Variants in RASEF observed in about 807,000 individuals in gnomAD.
RASEF encodes the protein RAS and EF-hand domain containing, also known as ras and EF-hand domain-containing protein.
A neutral mutation model predicts 90.1 loss-of-function variants in RASEF; 68 were observed. The ratio of observed to expected loss-of-function variants is 0.75; its 90% confidence interval spans 0.62 to 0.92. The LOEUF (loss-of-function observed/expected upper bound fraction) is 0.92. Among genes scored for constraint, RASEF ranks in the 40% least tolerant of loss-of-function variants. The probability of loss-of-function intolerance (pLI) is 0.00; values close to 1 mark genes in which losing one functional copy is unlikely to be tolerated. For missense variants in RASEF, 949 were observed against 937.2 expected, an observed-to-expected ratio of 1.01 and a Z score of -0.16; for synonymous variants, 331 against 345.2, an observed-to-expected ratio of 0.96 and a Z score of 0.46.
the RASEF span, among the ~76,000 whole-genome samples, chr9:83,081,857 A>G: frequency 6.6e-6 from 1 of 152,188 alleles, no homozygotes; most frequent in Admixed American, 6.5e-5. Flanking sequence ...GGTACAATAA[A>G]CAGTGCAATG....
At chr9:83,008,417 C>G (rs913465103) in intron 6 of RASEF, among the ~76,000 whole-genome samples, 28 of 152,038 alleles carry the variant, frequency 1.8e-4, no homozygotes, top group Non-Finnish European at 3.4e-4. Context: ...TGTGGTCTGA[C>G]CACCTTTCCC....
the RASEF span, among the ~76,000 whole-genome samples, chr9:83,189,167 G>C: frequency 6.6e-6 from 1 of 152,172 alleles, no homozygotes; most frequent in Non-Finnish European, 1.5e-5. Context: ...GAATCATGGG[G>C]GCAGTTACCC....
chr9:83,149,255 GT>G, the RASEF span, among the ~76,000 whole-genome samples: 1 of 152,210 alleles, frequency 6.6e-6, no homozygotes, highest in Non-Finnish European at 1.5e-5. Context: ...TATTGTGCCT[GT>G]CCTCAGGCTA....
chr9:82,980,304 C>T lies in RASEF; in HGVS notation c.*2373G>A, dbSNP rs1282934802. ...TGAGAACACCTTCATGAAATCAAAA[C>T]GTTGGTAATAATCATGAATCTCCCA... On this transcript the variant is annotated 3_prime_UTR_variant, in exon 17 of 17. Transcript: ENST00000376447. The T allele has an allele frequency of 2.0e-5, 3 of 152,104 alleles. No individual in the cohort carries two copies. The highest frequency in any genetic ancestry group is 4.4e-5 in the Non-Finnish European group (3 of 68,010). 9.4% of individuals were successfully genotyped at this position (152,104 alleles called of 1,614,324 possible). A position where few individuals can be genotyped will look rare whatever the true frequency, so the allele number is the denominator to read the frequency against.
intron 1 of RASEF, among the ~76,000 whole-genome samples, chr9:83,058,514 T>C (rs1383284407): frequency 6.6e-6 from 1 of 152,096 alleles, no homozygotes; most frequent in Non-Finnish European, 1.5e-5. Flanking sequence ...CTGTCTCTCC[T>C]CTCCCTTTTC....
chr9:83,001,122 C>G lies in RASEF; in HGVS notation c.1211G>C (p.Arg404Pro). ...PQPLGYDRSS[R>P]SSYVDEDCDS... Reference sequence around the variant, plus strand: ...ACAGTCCTCATCCACATAGGAAGAGCGGGATGACCTGGTAATAAAGGGGAA... The same window carrying G: ...ACAGTCCTCATCCACATAGGAAGAGGGGGATGACCTGGTAATAAAGGGGAA... Residue 404 changes from arginine (R) to proline (P), a missense_variant, in exon 10 of 17, where the codon CGC (arginine) becomes CCC (proline). Transcript: ENST00000376447. 1 of 1,610,690 alleles carries G rather than the reference C, an allele frequency of 6.2e-7. No homozygotes were observed. The highest frequency in any genetic ancestry group is 8.5e-7 in the Non-Finnish European group (1 of 1,177,168).
At chr9:83,216,249 G>A in the RASEF span, among the ~76,000 whole-genome samples, 2 of 152,332 alleles carry the variant, frequency 1.3e-5, no homozygotes, top group African/African-American at 4.8e-5. Context: ...CAAGACAATG[G>A]GGAAAATGTC....
chr9:83,080,689 A>G, the RASEF span, among the ~76,000 whole-genome samples: 1 of 152,308 alleles, frequency 6.6e-6, no homozygotes, highest in Non-Finnish European at 1.5e-5. Context: ...TAAAATGGAC[A>G]TTAACTTCTG....
chr9:83,017,564 C>T (rs1829366920), intron 3 of RASEF, among the ~76,000 whole-genome samples: 1 of 151,966 alleles, frequency 6.6e-6, no homozygotes, highest in Admixed American at 6.6e-5. Flanking sequence ...CTATTTCATT[C>T]CCAACCTGCG....
chr9:83,048,026 A>C, intron 1 of RASEF: 1 of 727,616 alleles, frequency 1.4e-6, no homozygotes, highest in Non-Finnish European at 1.7e-6. Flanking sequence ...AGAGCTGAAA[A>C]GTGGCTGAGC....
At chr9:83,035,860 G>A (rs141939136) in intron 1 of RASEF, among the ~76,000 whole-genome samples, 4 of 152,182 alleles carry the variant, frequency 2.6e-5, no homozygotes, top group African/African-American at 9.6e-5. Context: ...GTTTATGTTC[G>A]TTGTCCTGTA....
chr9:83,000,466 T>C lies in RASEF; in HGVS notation c.1542A>G (p.Ser514=), dbSNP rs1346382507. The part of the protein sequence containing the change: ...GSVSEGSIVS[S]SRKPISALSP... ...AGAGTGCTGAGATGGGCTTTCTTGA[T>C]GAACTAACAATGCTGCCTTCACTAA... The change falls in exon 11 of 17, where the codon TCA becomes TCG. Residue 514 remains serine (S), a synonymous_variant. Transcript: ENST00000376447. 1.9e-6 allele frequency: 3 copies of C among 1,614,118 alleles called. No individual in the cohort carries two copies. The highest frequency in any genetic ancestry group is 4.5e-5 in the East Asian group (2 of 44,864).
chr9:83,089,257 T>A, the RASEF span, among the ~76,000 whole-genome samples: 1 of 151,776 alleles, frequency 6.6e-6, no homozygotes, highest in Non-Finnish European at 1.5e-5. Flanking sequence ...TCCCTTGACA[T>A]ATATTAATAA....
chr9:83,026,033 G>T, intron 1 of RASEF, 112 bp from the exon 2 acceptor site: 1 of 789,946 alleles, frequency 1.3e-6, no homozygotes, highest in Non-Finnish European at 1.9e-6. Flanking sequence ...AGAAAAACCA[G>T]CAATCACAGA....
intron 1 of RASEF, among the ~76,000 whole-genome samples, chr9:83,036,173 G>T (rs1386607003): frequency 6.6e-6 from 1 of 152,182 alleles, no homozygotes; most frequent in Non-Finnish European, 1.5e-5. Flanking sequence ...TCCTTTCAGG[G>T]GCAGGAAGCA....
Position 83,000,898 on chromosome 9 carries a change from C to T in RASEF, c.1435G>A (p.Asp479Asn). The change falls in exon 10 of 17, where the codon GAT becomes AAT. Residue 479 changes from aspartate to asparagine, a missense_variant and splice_region_variant. This residue lies in a region of RASEF where 288 missense variants were observed against 328.4 expected (regional missense o/e 0.88). Transcript: ENST00000376447. ...GAGCAGTGGTTTCTGGGGCTTACAT[C>T]TGTGTCTGAAGCATCACCTCCAAAG... is the stretch of plus-strand genomic sequence containing the variant. Reference protein sequence around the residue: ...ESFGGDASDTDVPDIRDEETF... With the variant: ...ESFGGDASDTNVPDIRDEETF... 2 of 1,612,888 alleles carry T rather than the reference C, an allele frequency of 1.2e-6. No homozygotes were observed. Among genetic ancestry groups the T allele is most frequent in the South Asian group, 1.1e-5 (1 of 91,048 alleles).
chr9:83,106,848 T>A, the RASEF span, among the ~76,000 whole-genome samples: 1 of 152,208 alleles, frequency 6.6e-6, no homozygotes, highest in Non-Finnish European at 1.5e-5. Context: ...TTCTTCATTT[T>A]CATTCTCTTC....
Position 83,055,511 on chromosome 9 carries a change from C to T in RASEF, c.431+6926G>A, listed in dbSNP as rs984519350. On this transcript the variant is annotated intron_variant, in intron 1 of 16. Coordinates refer to ENST00000376447, the MANE Select transcript of RASEF (RefSeq NM_152573.4). ...TGCAGAAATCACCCGTCTTCTGCGT[C>T]GCTCACGCTGGGAGCTGTAGACCGG... is the stretch of plus-strand genomic sequence containing the variant. 29 of 696,544 alleles carry T rather than the reference C, an allele frequency of 4.2e-5. 2 individuals carry two copies. The highest frequency in any genetic ancestry group is 3.0e-4 in the Admixed American group (15 of 49,474). 43.1% of individuals were successfully genotyped at this position (696,544 alleles called of 1,614,324 possible). A position where few individuals can be genotyped will look rare whatever the true frequency, so the allele number is the denominator to read the frequency against.
chr9:82,998,821 A>G (rs1019369735), intron 12 of RASEF, among the ~76,000 whole-genome samples: 6 of 151,922 alleles, frequency 3.9e-5, no homozygotes, highest in African/African-American at 1.2e-4. Flanking sequence ...GTGTGTATGT[A>G]TGTGTGTAGG....
Sources: gnomAD v4.1 joint callset for allele counts (sites outside exome capture counted in the v4.1 genomes callset) on GRCh38, gnomAD v4.1.1 for gene constraint, gnomAD v4.1.1 regional missense constraint, MANE v1.5 for transcripts, NCBI Gene and HGNC (gene_info 2026-07-23, HGNC 2026-07-21) for gene names.